The following GLIS3 variants were observed in gnomAD, a reference collection of about 807,000 sequenced individuals.
The protein encoded by GLIS3 is zinc finger protein GLIS3.
Under a neutral mutation model 78.6 loss-of-function variants are expected in GLIS3, and 53 were observed. That is an observed-to-expected ratio of 0.67 (90% CI 0.54 to 0.85). The LOEUF is 0.85. Among genes scored for constraint, GLIS3 ranks in the 40% least tolerant of loss-of-function variants. The pLI is 0.00. For missense variants in GLIS3, 1,703 were observed against 1,231.1 expected (o/e 1.38, Z -5.74); for synonymous variants, 684 against 509.9 (o/e 1.34, Z -4.60).
At chr9:3,966,521 C>A (rs34037843) in intron 4 of GLIS3, among the ~76,000 whole-genome samples, 2 of 151,772 alleles carry the variant, frequency 1.3e-5, no homozygotes, top group Admixed American at 1.3e-4. Flanking sequence ...TTAGGCCAGG[C>A]GCGGTGACTC....
intron 2 of GLIS3, among the ~76,000 whole-genome samples, chr9:4,231,752 T>A (rs560736879): frequency 6.6e-6 from 1 of 152,276 alleles, no homozygotes; most frequent in East Asian, 1.9e-4. Flanking sequence ...TAAGGCAAAA[T>A]AAGACATTTT....
rs1329621347 is a variant in GLIS3, at chr9:3,828,255, AGTG to A, written c.*14_*16del. On this transcript the variant is annotated 3_prime_UTR_variant, in exon 11 of 11. Transcript: ENST00000381971. ...AACATCAAGGTCCTGGGTGTGCAGG[AGTG>A]GCCAAGAGAGCTTTTAGCCTTCGGT... 6.2e-7 allele frequency: 1 copy of A among 1,613,968 alleles called. No homozygotes were observed. Among genetic ancestry groups the A allele is most frequent in the South Asian group, 1.1e-5 (1 of 91,080 alleles).
the GLIS3 span, among the ~76,000 whole-genome samples, chr9:4,356,250 G>C: frequency 1.3e-5 from 2 of 152,220 alleles, no homozygotes; most frequent in Non-Finnish European, 2.9e-5. Context: ...CAGCAGCAGA[G>C]CCGGAGAGAC....
chr9:4,473,560 T>A, the GLIS3 span, among the ~76,000 whole-genome samples: 1 of 151,704 alleles, frequency 6.6e-6, no homozygotes, highest in East Asian at 1.9e-4. Flanking sequence ...AAATACCACA[T>A]GTTCTCACTT....
the GLIS3 span, among the ~76,000 whole-genome samples, chr9:4,388,875 G>C: frequency 6.6e-6 from 1 of 152,130 alleles, no homozygotes; most frequent in Non-Finnish European, 1.5e-5. Context: ...GTTGTAAGCT[G>C]CTCCTGGAAC....
At chr9:4,440,833 T>C in the GLIS3 span, among the ~76,000 whole-genome samples, 134 of 152,334 alleles carry the variant, frequency 8.8e-4, 1 homozygote, top group Middle Eastern at 0.02. Context: ...TTCAATTTCT[T>C]TCATCAGTTT....
intron 6 of GLIS3, among the ~76,000 whole-genome samples, chr9:3,905,914 C>T (rs1224232345): frequency 6.6e-6 from 1 of 152,188 alleles, no homozygotes; most frequent in African/African-American, 2.4e-5. Flanking sequence ...CCTCTATCTA[C>T]ATGCTCCCCA....
At chr9:3,852,920 AG>A (rs1819525478) in intron 9 of GLIS3, among the ~76,000 whole-genome samples, 1 of 152,304 alleles carries the variant, frequency 6.6e-6, no homozygotes, top group Admixed American at 6.5e-5. Context: ...AGAATGTGAA[AG>A]TTAGGGCCCA....
chr9:4,142,965 G>A (rs1321932931), intron 2 of GLIS3, among the ~76,000 whole-genome samples: 2 of 152,028 alleles, frequency 1.3e-5, no homozygotes, highest in Non-Finnish European at 1.5e-5. Flanking sequence ...ACAGGTATCC[G>A]CTTCCCTTTC....
At chr9:4,324,885 T>C (rs1817579399) in intron 2 of GLIS3, among the ~76,000 whole-genome samples, 1 of 152,222 alleles carries the variant, frequency 6.6e-6, no homozygotes, top group Admixed American at 6.5e-5. Flanking sequence ...ACCTAAAAGT[T>C]ATACCCCTAC....
At chr9:4,255,864 G>T (rs1157815418) in intron 2 of GLIS3, among the ~76,000 whole-genome samples, 1 of 152,016 alleles carries the variant, frequency 6.6e-6, no homozygotes, top group Non-Finnish European at 1.5e-5. Context: ...TGGACTCTGG[G>T]TAATCATGAT....
At chr9:4,379,002 A>T in the GLIS3 span, among the ~76,000 whole-genome samples, 1 of 152,172 alleles carries the variant, frequency 6.6e-6, no homozygotes, top group Admixed American at 6.5e-5. Context: ...TTAAGGGAAG[A>T]GTGTTAAGTG....
At chr9:3,858,312 T>C (rs899653591) in intron 8 of GLIS3, among the ~76,000 whole-genome samples, 1 of 152,190 alleles carries the variant, frequency 6.6e-6, no homozygotes, top group African/African-American at 2.4e-5. Context: ...TATATGATTC[T>C]ATATAATTAT....
intron 2 of GLIS3, among the ~76,000 whole-genome samples, chr9:4,183,128 G>C (rs1337613483): frequency 6.6e-6 from 1 of 152,202 alleles, no homozygotes; most frequent in Non-Finnish European, 1.5e-5. Flanking sequence ...TCTTTGGGTT[G>C]TTAAGGCACT....
chr9:4,221,952 T>C (rs565637559), intron 2 of GLIS3, among the ~76,000 whole-genome samples: 1 of 152,326 alleles, frequency 6.6e-6, no homozygotes, highest in East Asian at 1.9e-4. Flanking sequence ...TATGTACAGC[T>C]CTGCAAAGCA....
At chr9:4,267,707 TAAG>T (rs1054587737) in intron 2 of GLIS3, among the ~76,000 whole-genome samples, 3 of 152,138 alleles carry the variant, frequency 2.0e-5, no homozygotes, top group African/African-American at 7.2e-5. Context: ...AAAACAACGA[TAAG>T]AAGAAAGGAA....
At chr9:4,329,122 A>T (rs1198339662) in intron 2 of GLIS3, among the ~76,000 whole-genome samples, 2 of 152,254 alleles carry the variant, frequency 1.3e-5, no homozygotes, top group Admixed American at 6.5e-5. Context: ...TATACTGCCG[A>T]CTTGGGCAGC....
chr9:3,920,038 C>G (rs868031887), intron 6 of GLIS3, among the ~76,000 whole-genome samples: 1 of 126,792 alleles, frequency 7.9e-6, no homozygotes, highest in Non-Finnish European at 1.6e-5. Context: ...GAGTCTCACT[C>G]TGTTGCCCAG....
intron 4 of GLIS3, among the ~76,000 whole-genome samples, chr9:4,073,639 T>C (rs1827804248): frequency 6.6e-6 from 1 of 152,104 alleles, no homozygotes; most frequent in African/African-American, 2.4e-5. Context: ...CTATCATATT[T>C]CTCTCCCTCA....
Sources: allele counts gnomAD v4.1 joint callset (sites outside exome capture counted in the v4.1 genomes callset), GRCh38; gene constraint gnomAD v4.1.1; transcripts MANE v1.5; gene names NCBI Gene and HGNC (gene_info 2026-07-23, HGNC 2026-07-21).